SHTN1: variants seen among roughly 807,000 people sequenced by gnomAD.
SHTN1 encodes the protein shootin-1.
In SHTN1, 42 loss-of-function variants were observed where a neutral mutation model predicts 83.1. That is an observed-to-expected ratio of 0.51 (90% CI 0.39 to 0.65). The LOEUF (loss-of-function observed/expected upper bound fraction) is 0.65. SHTN1 is among the 30% of genes least tolerant of loss of function. SHTN1 has a pLI of 0.00. For synonymous variants in SHTN1, 224 were observed against 247.7 expected (o/e 0.90, Z 0.90); for missense variants, 622 against 737.8 (o/e 0.84, Z 1.82).
intron 1 of SHTN1, among the ~76,000 whole-genome samples, chr10:117,125,951 G>A (rs773060478): frequency 1.3e-5 from 2 of 152,168 alleles, no homozygotes; most frequent in Non-Finnish European, 2.9e-5. Flanking sequence ...CCCATGAGAC[G>A]CAAGGGAAGG....
intron 1 of SHTN1, among the ~76,000 whole-genome samples, chr10:117,050,809 TTTGGGAGGC>T (rs1852729007): frequency 6.6e-6 from 1 of 151,964 alleles, no homozygotes; most frequent in African/African-American, 2.4e-5. Flanking sequence ...ATCCCAACAC[TTTGGGAGGC>T]CAAGGCAGGA....
At chr10:117,068,016 A>C (rs1853027959) in intron 1 of SHTN1, among the ~76,000 whole-genome samples, 1 of 152,122 alleles carries the variant, frequency 6.6e-6, no homozygotes. Flanking sequence ...CTCCAAGTGG[A>C]GCTATGAGAG....
intron 1 of SHTN1, among the ~76,000 whole-genome samples, chr10:117,103,535 T>C (rs1417563135): frequency 6.6e-5 from 8 of 120,560 alleles, no homozygotes; most frequent in South Asian, 6.7e-4. Flanking sequence ...CCTCTCTTTT[T>C]TTTTTTTTTT....
intron 1 of SHTN1, among the ~76,000 whole-genome samples, chr10:116,982,866 G>C (rs552811011): frequency 1.1e-3 from 160 of 152,206 alleles, no homozygotes; most frequent in African/African-American, 2.9e-3. Flanking sequence ...GGAGGCTTGA[G>C]GTGGGAGGAT....
intron 1 of SHTN1, among the ~76,000 whole-genome samples, chr10:117,099,009 T>TACACACACAC (rs371738555): frequency 0.14 from 19,195 of 140,812 alleles, 1,462 homozygotes; most frequent in South Asian, 0.21. Flanking sequence ...GTGGTATGTA[T>TACACACACAC]ACACACACAC....
Position 116,881,674 on chromosome 10 carries a change from G to C in SHTN1, c.*4670C>G. The C allele has an allele frequency of 6.7e-7, 1 of 1,501,890 alleles. No homozygotes were observed. Among genetic ancestry groups the C allele is most frequent in the Non-Finnish European group, 8.9e-7 (1 of 1,122,174 alleles). 93.0% of individuals were successfully genotyped at this position (1,501,890 alleles called of 1,614,324 possible). ...ACAGGAGCATCCTCTGGATAGGGCT[G>C]TACACACCCCAGGTTCCAGCCACAC... On this transcript the variant is annotated 3_prime_UTR_variant, in exon 17 of 17. Transcript: ENST00000355371.
At chr10:117,002,233 T>C (rs1367552407) in intron 1 of SHTN1, among the ~76,000 whole-genome samples, 3 of 152,200 alleles carry the variant, frequency 2.0e-5, no homozygotes, top group African/African-American at 4.8e-5. Context: ...AAAAAAGTAA[T>C]TGTACATTTA....
intron 8 of SHTN1, among the ~76,000 whole-genome samples, chr10:116,943,004 C>T (rs1849440510): frequency 1.3e-5 from 2 of 152,168 alleles, no homozygotes; most frequent in South Asian, 4.1e-4. Flanking sequence ...CTAGTTCCAA[C>T]GTGGTGCTAT....
intron 1 of SHTN1, among the ~76,000 whole-genome samples, chr10:116,998,101 G>T (rs1286472966): frequency 6.6e-6 from 1 of 152,038 alleles, no homozygotes; most frequent in Non-Finnish European, 1.5e-5. Flanking sequence ...CAAAAAAAAA[G>T]AATCAGGGAG....
intron 1 of SHTN1, among the ~76,000 whole-genome samples, chr10:116,986,874 G>A (rs1006647822): frequency 2.6e-5 from 4 of 151,542 alleles, no homozygotes; most frequent in East Asian, 1.9e-4. Context: ...GATTACAGGC[G>A]CCCGCCACCA....
intron 12 of SHTN1, among the ~76,000 whole-genome samples, chr10:116,918,805 G>C (rs772640640): frequency 2.0e-5 from 3 of 152,138 alleles, no homozygotes; most frequent in Non-Finnish European, 2.9e-5. Context: ...AAGGCACGGC[G>C]AAGTAAGAAA....
rs1048190259 is a variant in SHTN1, at chr10:116,959,563, A to T, written c.267+573T>A. ...AACCCAAAATACATAAGACAGAGAT[A>T]AAAAAAACATTCTTTAATAATAATG... On this transcript the variant is annotated intron_variant, in intron 4 of 16. Coordinates refer to ENST00000355371, the MANE Select transcript of SHTN1 (RefSeq NM_001127211.3). Among the ~76,000 whole-genome samples the T allele has an allele frequency of 1.3e-4, 20 of 151,394 alleles. No homozygotes were observed. In the East Asian group the frequency reaches 2.7e-3, roughly 20 times the overall value.
chr10:117,038,391 CGGCCTCCCAAAATGCTG>C (rs1852532166), intron 2 of SHTN1, among the ~76,000 whole-genome samples: 1 of 151,782 alleles, frequency 6.6e-6, no homozygotes, highest in Non-Finnish European at 1.5e-5. Flanking sequence ...CCTCCTGCCT[CGGCCTCCCAAAATGCTG>C]GGATTACAGG....
chr10:117,051,074 C>T (rs1408537869), intron 1 of SHTN1, among the ~76,000 whole-genome samples: 3 of 151,826 alleles, frequency 2.0e-5, no homozygotes, highest in African/African-American at 7.3e-5. Context: ...CAAATGGGAA[C>T]ATTATTATTA....
intron 1 of SHTN1, among the ~76,000 whole-genome samples, chr10:117,110,833 A>G (rs763359970): frequency 6.6e-6 from 1 of 152,212 alleles, no homozygotes; most frequent in Admixed American, 6.5e-5. Context: ...GCACTTATTA[A>G]GTAAGACTAG....
chr10:117,121,172 C>T (rs937881839), intron 1 of SHTN1, among the ~76,000 whole-genome samples: 7 of 151,662 alleles, frequency 4.6e-5, no homozygotes, highest in Non-Finnish European at 7.4e-5. Context: ...TATTATGCAT[C>T]GATAAAAAAA....
rs183291851 is a variant in SHTN1 at position 117,014,838 on chromosome 10, G to T, written c.-123+33607C>A. Among the ~76,000 whole-genome samples the T allele has an allele frequency of 8.2e-3, 1,256 of 152,292 alleles. 5 individuals carry two copies. Among genetic ancestry groups the T allele is most frequent in the Non-Finnish European group, 0.012 (846 of 68,012 alleles). ...AGTACCATAGTTTTATATAAGAAAT[G>T]ATTAAGAAATGCATAATGCTACAAT... On this transcript the variant is annotated intron_variant, in intron 2 of 17. Coordinates refer to the SHTN1 transcript ENST00000392901.
chr10:116,983,886 G>A (rs192817987), intron 1 of SHTN1, among the ~76,000 whole-genome samples: 6 of 152,242 alleles, frequency 3.9e-5, no homozygotes, highest in Non-Finnish European at 7.4e-5. Flanking sequence ...GGCAGAGCAC[G>A]TGTTTCAAGA....
At chr10:117,118,340 C>T (rs1052980701) in intron 1 of SHTN1, among the ~76,000 whole-genome samples, 8 of 140,496 alleles carry the variant, frequency 5.7e-5, no homozygotes, top group Non-Finnish European at 1.2e-4. Context: ...TGCAAATCCA[C>T]CACAATGAAA....
Sources: gnomAD v4.1 joint callset for allele counts (sites outside exome capture counted in the v4.1 genomes callset) on GRCh38, gnomAD v4.1.1 for gene constraint, MANE v1.5 for transcripts, NCBI Gene and HGNC (gene_info 2026-07-23, HGNC 2026-07-21) for gene names.